Variants in PDS5B observed in about 807,000 individuals in gnomAD.
The protein encoded by PDS5B is PDS5 cohesin associated factor B.
In PDS5B, 51 loss-of-function variants were observed where a neutral mutation model predicts 184.1. That is an observed-to-expected ratio of 0.28 (90% CI 0.22 to 0.35). The LOEUF (loss-of-function observed/expected upper bound fraction) is 0.35. PDS5B is among the 10% of genes least tolerant of loss of function. The pLI is 1.00. For missense variants in PDS5B, 1,180 were observed against 1,723.3 expected (o/e 0.68, Z 5.58); for synonymous variants, 566 against 569.2 (o/e 0.99, Z 0.08).
At chr13:32,715,326 T>A (rs1245992936) in intron 19 of PDS5B, among the ~76,000 whole-genome samples, 2 of 152,194 alleles carry the variant, frequency 1.3e-5, no homozygotes, top group East Asian at 3.8e-4. Flanking sequence ...TACCACCCCT[T>A]TTTTATCATG....
At chr13:32,733,627 A>G (rs1224151172) in intron 20 of PDS5B, among the ~76,000 whole-genome samples, 1 of 152,180 alleles carries the variant, frequency 6.6e-6, no homozygotes, top group Non-Finnish European at 1.5e-5. Flanking sequence ...CAAGCCTACA[A>G]TTCTTGGTGT....
chr13:32,700,157 T>C (rs1458202004), intron 16 of PDS5B, among the ~76,000 whole-genome samples: 1 of 152,154 alleles, frequency 6.6e-6, no homozygotes, highest in Non-Finnish European at 1.5e-5. Context: ...TACTATAATT[T>C]GTTGAGTAGT....
chr13:32,695,665 C>T (rs527349701), intron 14 of PDS5B, among the ~76,000 whole-genome samples: 2 of 152,060 alleles, frequency 1.3e-5, no homozygotes, highest in African/African-American at 2.4e-5. Context: ...ATATGTTGAA[C>T]AGCATGATGT....
Position 32,683,965 on chromosome 13 carries a change from T to C in PDS5B, c.1145T>C (p.Ile382Thr). 6.3e-7 allele frequency: 1 copy of C among 1,592,194 alleles called. No homozygotes were observed. The highest frequency in any genetic ancestry group is 8.6e-7 in the Non-Finnish European group (1 of 1,161,602). The change falls in exon 11 of 35, where the codon ATT (isoleucine) becomes ACT (threonine). Residue 382 changes from isoleucine to threonine, a missense_variant. Ile to Thr is a moderately conservative substitution (Grantham distance 89, BLOSUM62 -1). Coordinates refer to ENST00000315596, the MANE Select transcript of PDS5B (RefSeq NM_015032.4). The part of the protein sequence containing the change: ...VSIVTAAKKD[I>T]LLVNDHLLNF... ...ATAGTTACAGCTGCTAAAAAGGATA[T>C]TCTTCTGGTCAATGATCACTTACTT...
intron 1 of PDS5B, among the ~76,000 whole-genome samples, chr13:32,636,712 T>G (rs1046740886): frequency 2.6e-5 from 4 of 152,242 alleles, no homozygotes; most frequent in Non-Finnish European, 4.4e-5. Context: ...TATGTAGCAG[T>G]GAACAAATTA....
intron 1 of PDS5B, among the ~76,000 whole-genome samples, chr13:32,641,469 T>C (rs1012305987): frequency 7.2e-5 from 11 of 152,218 alleles, no homozygotes; most frequent in Admixed American, 2.6e-4. Flanking sequence ...TTTTGTATGT[T>C]TTCACTGAGG....
intron 1 of PDS5B, among the ~76,000 whole-genome samples, chr13:32,628,139 G>A (rs1215927502): frequency 6.6e-6 from 1 of 152,094 alleles, no homozygotes; most frequent in African/African-American, 2.4e-5. Flanking sequence ...TTTAAGGATT[G>A]CTTTTAAAAA....
intron 21 of PDS5B, among the ~76,000 whole-genome samples, chr13:32,735,948 T>C (rs904932646): frequency 3.9e-5 from 6 of 152,170 alleles, no homozygotes; most frequent in Non-Finnish European, 7.4e-5. Flanking sequence ...TATTTTTCTC[T>C]TTTCTTATTT....
At position 32,730,708 on chromosome 13, in the gene PDS5B, A is replaced by G. The variant is rs7981334; in HGVS notation, c.2124-1393A>G. On this transcript the variant is annotated intron_variant, in intron 19 of 34. Coordinates refer to ENST00000315596, the MANE Select transcript of PDS5B (RefSeq NM_015032.4). ...TAGGTATTTTATTTTCTTTGTAGCA[A>G]TTGTGAATGGGAGCTCACTCATGAT... 2.4e-3 allele frequency among the ~76,000 whole-genome samples: 365 copies of G among 152,214 alleles called. 2 individuals are homozygous for G. Among genetic ancestry groups the G allele is most frequent in the African/African-American group, 7.9e-3 (330 of 41,512 alleles).
chr13:32,754,303 T>C (rs906140193), intron 25 of PDS5B, among the ~76,000 whole-genome samples: 2 of 152,156 alleles, frequency 1.3e-5, no homozygotes, highest in African/African-American at 2.4e-5. Context: ...TCTCTGTTGC[T>C]TGTGGGATAA....
chr13:32,713,934 T>C (rs1432673193), intron 19 of PDS5B, among the ~76,000 whole-genome samples: 1 of 152,194 alleles, frequency 6.6e-6, no homozygotes, highest in Non-Finnish European at 1.5e-5. Context: ...CTTTTCTATT[T>C]TTCCTAAGCG....
intron 10 of PDS5B, among the ~76,000 whole-genome samples, chr13:32,682,699 C>G (rs543414889): frequency 6.6e-6 from 1 of 152,164 alleles, no homozygotes; most frequent in South Asian, 2.1e-4. Context: ...AAAACAGTCT[C>G]CATATTAGTT....
chr13:32,729,725 G>C (rs529758393), intron 19 of PDS5B, among the ~76,000 whole-genome samples: 3 of 152,036 alleles, frequency 2.0e-5, no homozygotes, highest in African/African-American at 4.8e-5. Flanking sequence ...TCATATGTTT[G>C]TTGGCCATAT....
At chr13:32,748,897 A>G (rs1002166273) in intron 24 of PDS5B, among the ~76,000 whole-genome samples, 2 of 152,158 alleles carry the variant, frequency 1.3e-5, no homozygotes, top group African/African-American at 4.8e-5. Context: ...TATCCATTAT[A>G]TAATTTTTAT....
intron 8 of PDS5B, 40 bp from the exon 9 acceptor site, chr13:32,675,804 T>C: frequency 8.3e-7 from 1 of 1,199,002 alleles, no homozygotes; most frequent in Non-Finnish European, 1.2e-6. Context: ...TCTGAATATC[T>C]ACTGCATGGT....
intron 19 of PDS5B, among the ~76,000 whole-genome samples, chr13:32,725,867 T>G (rs1451993570): frequency 6.6e-6 from 1 of 152,206 alleles, no homozygotes; most frequent in Non-Finnish European, 1.5e-5. Flanking sequence ...GCTAGTTCTT[T>G]TTTTTATTTA....
At chr13:32,681,670 A>G (rs1951250600) in intron 10 of PDS5B, among the ~76,000 whole-genome samples, 2 of 150,886 alleles carry the variant, frequency 1.3e-5, no homozygotes, top group Non-Finnish European at 3.0e-5. Flanking sequence ...AGTAGTTTCA[A>G]TCACATCTTC....
In PDS5B at chr13:32,775,631, T is replaced by A. The variant is rs1954932179; in HGVS notation, c.*579T>A. Reference sequence around the variant, plus strand: ...CTTAATCTTCAGAGGTGCTAAATTGTCTGCCATTACACCAGAAGGATGCCT... The same window carrying A: ...CTTAATCTTCAGAGGTGCTAAATTGACTGCCATTACACCAGAAGGATGCCT... On this transcript the variant is annotated 3_prime_UTR_variant, in exon 35 of 35. Transcript: ENST00000315596. 2.2e-6 allele frequency: 1 copy of A among 456,088 alleles called. No homozygotes were observed. Among genetic ancestry groups the A allele is most frequent in the Non-Finnish European group, 4.4e-6 (1 of 226,650 alleles). 28.3% of individuals were successfully genotyped at this position (456,088 alleles called of 1,614,324 possible).
intron 19 of PDS5B, among the ~76,000 whole-genome samples, chr13:32,717,060 G>T (rs1203352449): frequency 6.7e-6 from 1 of 149,060 alleles, no homozygotes; most frequent in African/African-American, 2.5e-5. Flanking sequence ...TCGTCCGGGA[G>T]GGAGGTGGGG....
Sources: allele counts gnomAD v4.1 joint callset (sites outside exome capture counted in the v4.1 genomes callset), GRCh38; gene constraint gnomAD v4.1.1; transcripts MANE v1.5; gene names NCBI Gene and HGNC (gene_info 2026-07-23, HGNC 2026-07-21).